Variants in MLIP observed in about 807,000 individuals in gnomAD.
MLIP encodes the protein muscular LMNA-interacting protein.
In MLIP, 79 loss-of-function variants were observed where a neutral mutation model predicts 84.8. That is an observed-to-expected ratio of 0.93 (90% CI 0.78 to 1.12). MLIP has a LOEUF of 1.12. MLIP is among the 50% of genes most tolerant of loss of function. The probability of loss-of-function intolerance (pLI) is 0.00; values close to 1 mark genes in which losing one functional copy is unlikely to be tolerated. For synonymous variants in MLIP, 504 were observed against 463.0 expected (o/e 1.09, Z -1.14); for missense variants, 1,257 against 1,160.6 (o/e 1.08, Z -1.21).
At chr6:54,195,818 A>G (rs552552399) in intron 10 of MLIP, among the ~76,000 whole-genome samples, 1 of 151,652 alleles carries the variant, frequency 6.6e-6, no homozygotes, top group South Asian at 2.1e-4. Context: ...CCCACTCTCC[A>G]CTCTTGAATT....
chr6:54,225,439 T>C (rs1201634519), intron 11 of MLIP, among the ~76,000 whole-genome samples: 1 of 152,142 alleles, frequency 6.6e-6, no homozygotes, highest in African/African-American at 2.4e-5. Context: ...ATATATGCAG[T>C]TCGTTGTTGG....
At chr6:54,045,617 G>A (rs1347780236) in intron 1 of MLIP, 3 of 152,104 alleles carry the variant, frequency 2.0e-5, no homozygotes, top group Non-Finnish European at 4.4e-5. Flanking sequence ...GGGACCTGGT[G>A]GGAGGTGACT....
At chr6:54,036,241 GTT>G (rs10558454) in intron 1 of MLIP, among the ~76,000 whole-genome samples, 8,541 of 141,592 alleles carry the variant, frequency 0.06, 482 homozygotes, top group African/African-American at 0.16. Context: ...AGTCACCACT[GTT>G]TTTTTTTTTT....
In MLIP at chr6:54,065,007, C is replaced by T. The variant is rs1582063271; in HGVS notation, c.63+45916C>T. Among the ~76,000 whole-genome samples the T allele has an allele frequency of 4.0e-5, 4 of 99,862 alleles. 1 individual carries two copies. In the South Asian group the frequency reaches 1.4e-3, roughly 35 times the overall value. The allele number at this position is 99,862 out of a possible 152,430, so 65.5% of individuals were successfully genotyped here. A position where few individuals can be genotyped will look rare whatever the true frequency, so the allele number is the denominator to read the frequency against. ...AAACTGATCTGAAGGCAGAATTTTA[C>T]AGTTCTCCCAGTTTTCAGTATAAGA... On this transcript the variant is annotated intron_variant, in intron 1 of 12. Coordinates refer to the MLIP transcript ENST00000274897.
intron 11 of MLIP, chr6:54,215,140 G>A (rs1156647261): frequency 5.2e-6 from 8 of 1,534,820 alleles, no homozygotes; most frequent in South Asian, 1.2e-5. Context: ...TTACACTCAG[G>A]CTGCACATTC....
chr6:54,094,105 T>C (rs1001587752), intron 1 of MLIP, among the ~76,000 whole-genome samples: 1 of 152,150 alleles, frequency 6.6e-6, no homozygotes, highest in Non-Finnish European at 1.5e-5. Context: ...TCAATAGTAA[T>C]GATAATGATG....
chr6:54,179,242 C>A (rs894410272), intron 9 of MLIP, among the ~76,000 whole-genome samples: 2 of 152,108 alleles, frequency 1.3e-5, no homozygotes, highest in African/African-American at 4.8e-5. Flanking sequence ...TTTTCATAGG[C>A]ATGGAATATA....
At chr6:54,179,612 T>C (rs1389222279) in intron 9 of MLIP, among the ~76,000 whole-genome samples, 1 of 152,166 alleles carries the variant, frequency 6.6e-6, no homozygotes, top group Non-Finnish European at 1.5e-5. Flanking sequence ...TTGTAAATAC[T>C]ATCTTATTCA....
At chr6:54,189,114 G>A (rs1281463649) in intron 9 of MLIP, among the ~76,000 whole-genome samples, 4 of 152,124 alleles carry the variant, frequency 2.6e-5, no homozygotes, top group Admixed American at 2.6e-4. Context: ...AGGGAGCAGG[G>A]GGAAATGGGA....
At chr6:54,231,922 T>C (rs1001422422) in intron 12 of MLIP, among the ~76,000 whole-genome samples, 4 of 152,132 alleles carry the variant, frequency 2.6e-5, no homozygotes, top group Non-Finnish European at 5.9e-5. Flanking sequence ...AACACTGTTA[T>C]ATAAGGAAAA....
chr6:54,221,077 G>T (rs1297102228), intron 11 of MLIP, among the ~76,000 whole-genome samples: 2 of 152,066 alleles, frequency 1.3e-5, no homozygotes, highest in African/African-American at 4.8e-5. Flanking sequence ...CATTAGAAAT[G>T]CTCGTTTTTG....
chr6:54,059,217 G>A (rs996465998), intron 1 of MLIP, among the ~76,000 whole-genome samples: 1 of 152,130 alleles, frequency 6.6e-6, no homozygotes, highest in Non-Finnish European at 1.5e-5. Flanking sequence ...GCTGCTTCTA[G>A]TTTTCTGGAT....
chr6:54,019,213 ACT>A (rs1303545160), intron 1 of MLIP: 1 of 943,954 alleles, frequency 1.1e-6, no homozygotes, highest in Admixed American at 2.8e-5. Context: ...CTGGTCAATA[ACT>A]TTAAAATTAA....
chr6:54,183,891 CATG>C (rs966658207), intron 9 of MLIP, among the ~76,000 whole-genome samples: 1 of 151,872 alleles, frequency 6.6e-6, no homozygotes, highest in Non-Finnish European at 1.5e-5. Context: ...GTAAGGAAGG[CATG>C]ATGTGTCATA....
chr6:54,255,227 C>G (rs746118457), intron 12 of MLIP, among the ~76,000 whole-genome samples: 1 of 152,168 alleles, frequency 6.6e-6, no homozygotes, highest in Non-Finnish European at 1.5e-5. Flanking sequence ...AGCACAGTCT[C>G]TGCATACTCT....
chr6:54,130,401 T>C (rs1771280270), intron 3 of MLIP, among the ~76,000 whole-genome samples: 1 of 152,086 alleles, frequency 6.6e-6, no homozygotes, highest in African/African-American at 2.4e-5. Flanking sequence ...GGCAATGTTC[T>C]TCCTACCACC....
At chr6:54,149,732 G>T (rs1380451717) in intron 5 of MLIP, among the ~76,000 whole-genome samples, 1 of 152,092 alleles carries the variant, frequency 6.6e-6, no homozygotes, top group Non-Finnish European at 1.5e-5. Context: ...TGACCCAACT[G>T]CTTTCACATG....
intron 1 of MLIP, among the ~76,000 whole-genome samples, chr6:54,093,374 T>TATTCTATTCC (rs1160380916): frequency 6.6e-6 from 1 of 151,606 alleles, no homozygotes; most frequent in African/African-American, 2.4e-5. Flanking sequence ...TATTCTATTC[T>TATTCTATTCC]ATTCTATTCT....
At chr6:54,112,597 T>C (rs887964084) in intron 1 of MLIP, among the ~76,000 whole-genome samples, 1 of 152,202 alleles carries the variant, frequency 6.6e-6, no homozygotes, top group African/African-American at 2.4e-5. Flanking sequence ...GATGAATAAG[T>C]CTTTAGTTTT....
Sources: allele counts gnomAD v4.1 joint callset (sites outside exome capture counted in the v4.1 genomes callset), GRCh38; gene constraint gnomAD v4.1.1; transcripts MANE v1.5; gene names NCBI Gene and HGNC (gene_info 2026-07-23, HGNC 2026-07-21).